ADGRG1: variants seen among roughly 807,000 people sequenced by gnomAD.
ADGRG1 encodes the protein 7-transmembrane protein with no EGF-like N-terminal domains-1.
In ADGRG1, 53 loss-of-function variants were observed where a neutral mutation model predicts 73.5. The observed-to-expected ratio is 0.72, with a 90% confidence interval of 0.58 to 0.91. The LOEUF (loss-of-function observed/expected upper bound fraction) is 0.91. Among genes scored for constraint, ADGRG1 ranks in the 40% least tolerant of loss-of-function variants. The pLI, the probability that ADGRG1 is intolerant of heterozygous loss-of-function variation, is 0.00. For synonymous variants in ADGRG1, 394 were observed against 374.4 expected (o/e 1.05, Z -0.60); for missense variants, 795 against 871.8 (o/e 0.91, Z 1.11).
At chr16:57,620,671 A>G (rs1340867249), upstream of ADGRG1, 2 of 152,150 alleles carry the variant, frequency 1.3e-5, no homozygotes. Context: ...GGGCGTGCCC[A>G]GCCAGCGGCC....
intron 1 of ADGRG1, chr16:57,634,131 T>G (rs1467098698): frequency 2.0e-6 from 2 of 985,252 alleles, no homozygotes; most frequent in Non-Finnish European, 2.4e-6. Context: ...CTGTGGTCAC[T>G]TCTCTGCTGG....
chr16:57,655,547 CT>C lies in ADGRG1; in HGVS notation c.900+18del. On this transcript the variant is annotated intron_variant, in intron 6 of 13. Transcript: ENST00000562631. ...CTGTTCCAGGTATGGGGTCCTCACC[CT>C]CATGCCTCCCAGGAGAAAGCAGTTT... 6.2e-7 allele frequency: 1 copy of C among 1,613,480 alleles called. No individual in the cohort carries two copies. Among genetic ancestry groups the C allele is most frequent in the South Asian group, 1.1e-5 (1 of 91,082 alleles).
At chr16:57,651,061 AAC>A in intron 2 of ADGRG1, 137 bp from the exon 3 acceptor site, 1 of 1,574,872 alleles carries the variant, frequency 6.3e-7, no homozygotes, top group Admixed American at 1.8e-5. Context: ...GGGAAAGACT[AAC>A]ACATTTTTGT....
rs1414020433 is a variant in ADGRG1 at position 57,665,437 on chromosome 16, G to A, written c.*1855G>A. 4 of 152,152 alleles carry A rather than the reference G, an allele frequency of 2.6e-5. No individual in the cohort carries two copies. The highest frequency in any genetic ancestry group is 7.2e-5 in the African/African-American group (3 of 41,438). 9.4% of individuals were successfully genotyped at this position (152,152 alleles called of 1,614,324 possible). A position where few individuals can be genotyped will look rare whatever the true frequency, so the allele number is the denominator to read the frequency against. ...CATCCCCTGATTTTAAAATTTTGGC[G>A]AATCCAAAACATTTTCTGGCCAAAG... On this transcript the variant is annotated 3_prime_UTR_variant, in exon 14 of 14. Transcript: ENST00000562631.
chr16:57,663,482 T>C lies in ADGRG1; in HGVS notation c.1964T>C (p.Met655Thr), dbSNP rs1389977747. 1 of 1,614,030 alleles carries C rather than the reference T, an allele frequency of 6.2e-7. No homozygotes were observed. The highest frequency in any genetic ancestry group is 8.5e-7 in the Non-Finnish European group (1 of 1,179,986). Reference protein sequence around the residue: ...GFLIFIWYWSMRLQARGGPSP... With the variant: ...GFLIFIWYWSTRLQARGGPSP... Reference sequence around the variant, plus strand: ...CTCATCTTCATCTGGTACTGGTCCATGCGGCTGCAGGCCCGGGGTGGCCCC... The same window carrying C: ...CTCATCTTCATCTGGTACTGGTCCACGCGGCTGCAGGCCCGGGGTGGCCCC... The change falls in exon 14 of 14, where the codon ATG becomes ACG. Residue 655 changes from methionine (M) to threonine (T), a missense_variant. Transcript: ENST00000562631.
intron 10 of ADGRG1, 107 bp from the exon 11 acceptor site, chr16:57,659,306 G>C: frequency 6.3e-7 from 1 of 1,592,734 alleles, no homozygotes. Flanking sequence ...GACTGCATGT[G>C]TGTGTCGGGG....
Position 57,656,240 on chromosome 16 carries a change from G to A in ADGRG1, c.1032G>A (p.Leu344=), listed in dbSNP as rs1468479668. ...QHQLQPKNVT[L]QCVFWVEDPT... ...TGTCCCTACAGAAGAATGTGACTCTGCAATGTGTGTTCTGGGTTGAAGACC... is the reference window on the plus strand; with the variant it reads ...TGTCCCTACAGAAGAATGTGACTCTACAATGTGTGTTCTGGGTTGAAGACC... The change falls in exon 8 of 14, where the codon CTG becomes CTA. Residue 344 remains leucine, a synonymous_variant. Coordinates refer to ENST00000562631, the MANE Select transcript of ADGRG1 (RefSeq NM_201525.4). 1.2e-6 allele frequency: 2 copies of A among 1,613,240 alleles called. No individual in the cohort carries two copies. The highest frequency in any genetic ancestry group is 2.7e-5 in the African/African-American group (2 of 74,762).
At position 57,622,502 on chromosome 16, in the gene ADGRG1, A is replaced by G. The variant is rs114819652; in HGVS notation, c.-154+1107A>G. Among the ~76,000 whole-genome samples, 1,439 of 152,280 alleles carry G rather than the reference A, an allele frequency of 9.4e-3. 20 individuals are homozygous for G. The highest frequency in any genetic ancestry group is 0.032 in the African/African-American group (1,341 of 41,542). ...AGGTGCAGAGGACACCGTGACATGC[A>G]GGGATGTGTAGAGTCTCACCGAAGA... is the stretch of plus-strand genomic sequence containing the variant. On this transcript the variant is annotated intron_variant, in intron 2 of 4. Coordinates refer to the ADGRG1 transcript ENST00000561833.
chr16:57,651,741 G>A, intron 3 of ADGRG1, 119 bp downstream of exon 3: 2 of 1,502,596 alleles, frequency 1.3e-6, no homozygotes, highest in South Asian at 1.2e-5. Context: ...TTGCTCACAG[G>A]CACTGGGGAG....
At chr16:57,624,773 TCTC>T (rs1367417804), upstream of ADGRG1, 48 of 943,354 alleles carry the variant, frequency 5.1e-5, no homozygotes, top group African/African-American at 1.4e-4. Context: ...TTCTTGAAGA[TCTC>T]CTCCTACCTC....
At chr16:57,628,539 A>G (rs2036362464), upstream of ADGRG1, 3 of 985,418 alleles carry the variant, frequency 3.0e-6, no homozygotes, top group African/African-American at 3.5e-5. Flanking sequence ...ATCGTCCGTC[A>G]TCCCCAGTCA....
Position 57,647,227 on chromosome 16 carries a change from A to G in ADGRG1, c.-35-3026A>G, listed in dbSNP as rs764836764. On this transcript the variant is annotated intron_variant, in intron 1 of 13. Transcript: ENST00000562631. ...TCCCCAGCCCAGCTCTCCTGTCCCA[A>G]CGGGCTTCTGGAGGAGGGAAGTTTT... The G allele has an allele frequency of 6.1e-6, 6 of 985,252 alleles. No individual in the cohort carries two copies. The African/African-American group carries it at 7.0e-5, about 11-fold the overall frequency. The allele number at this position is 985,252 out of a possible 1,614,324, so 61.0% of individuals were successfully genotyped here. A position where few individuals can be genotyped will look rare whatever the true frequency, so the allele number is the denominator to read the frequency against.
chr16:57,634,445 C>G, intron 1 of ADGRG1: 1 of 985,492 alleles, frequency 1.0e-6, no homozygotes, highest in South Asian at 4.7e-5. Context: ...ACAGCCCAAA[C>G]TTCCGCCCCT....
chr16:57,637,213 A>T, intron 1 of ADGRG1: 1 of 610,844 alleles, frequency 1.6e-6, no homozygotes, highest in Non-Finnish European at 2.1e-6. Context: ...TCTCTGACTT[A>T]CAAAATGAGC....
chr16:57,626,369 G>T (rs12918679), upstream of ADGRG1, among the ~76,000 whole-genome samples: 4,260 of 152,268 alleles, frequency 0.028, 115 homozygotes, highest in East Asian at 0.12. Flanking sequence ...TGTTTAACAA[G>T]TCATTGAATT....
chr16:57,648,575 C>T (rs549495820), intron 1 of ADGRG1: 2 of 984,738 alleles, frequency 2.0e-6, no homozygotes, highest in Admixed American at 6.1e-5. Flanking sequence ...ACATTGAGCT[C>T]CTGCCTGGGA....
At position 57,628,903 on chromosome 16, in the gene ADGRG1, TGTGAGTGTGTGAGAGTGA is replaced by T. The variant is rs1567667595; in HGVS notation, c.-36+105_-36+122del. The T allele has an allele frequency of 3.6e-6, 3 of 841,016 alleles. No individual in the cohort carries two copies. The African/African-American group carries it at 7.9e-5, about 22-fold the overall frequency. The allele number at this position is 841,016 out of a possible 1,614,324, so 52.1% of individuals were successfully genotyped here. A position where few individuals can be genotyped will look rare whatever the true frequency, so the allele number is the denominator to read the frequency against. Reference sequence around the variant, plus strand: ...GTGTGTGAGAGTGTGAGTGTGTGAGTGTGAGTGTGTGAGAGTGAGTGTGAGTGTGAGTGTGAGCGTGAG... The same window carrying T: ...GTGTGTGAGAGTGTGAGTGTGTGAGTGTGTGAGTGTGAGTGTGAGCGTGAG... On this transcript the variant is annotated intron_variant, in intron 1 of 13. Coordinates refer to ENST00000562631, the MANE Select transcript of ADGRG1 (RefSeq NM_201525.4).
rs954118432 is a variant in ADGRG1, at chr16:57,655,947, C to A, written c.972C>A (p.Asn324Lys). 6.2e-7 allele frequency: 1 copy of A among 1,614,130 alleles called. No individual in the cohort carries two copies. Among genetic ancestry groups the A allele is most frequent in the Non-Finnish European group, 8.5e-7 (1 of 1,180,012 alleles). The change falls in exon 7 of 14, where the codon AAC becomes AAA. Residue 324 changes from asparagine (N) to lysine (K), a missense_variant. By Grantham distance (94) the Asn-to-Lys change is moderately conservative. Transcript: ENST00000562631. ...TGGTACAGAACACCAAAGTAGCCAA[C>A]CTCACGGAGCCCGTGGTGCTCACTT... ...GIVVQNTKVANLTEPVVLTFQ... is the reference protein window; with the variant it reads ...GIVVQNTKVAKLTEPVVLTFQ...
intron 13 of ADGRG1, 168 bp from the exon 14 acceptor site, chr16:57,663,284 C>A: frequency 1.0e-6 from 1 of 979,328 alleles, no homozygotes; most frequent in Non-Finnish European, 1.2e-6. Flanking sequence ...CAGCACAGTG[C>A]CCGGCTCATA....
Sources: allele counts gnomAD v4.1 joint callset (sites outside exome capture counted in the v4.1 genomes callset), GRCh38; gene constraint gnomAD v4.1.1; transcripts MANE v1.5; gene names NCBI Gene and HGNC (gene_info 2026-07-23, HGNC 2026-07-21).